The following TPST2 variants were observed in gnomAD, a reference collection of about 807,000 sequenced individuals.
TPST2 encodes the protein tyrosylprotein sulfotransferase 2, also known as protein-tyrosine sulfotransferase 2.
TPST2 carries 16 observed loss-of-function variants against 27.8 expected under a neutral mutation model. The observed-to-expected ratio is 0.58, with a 90% confidence interval of 0.39 to 0.88. TPST2 has a LOEUF of 0.88. Among genes scored for constraint, TPST2 ranks in the 40% least tolerant of loss-of-function variants. The pLI, the probability that TPST2 is intolerant of heterozygous loss-of-function variation, is 0.00. For synonymous variants in TPST2, 229 were observed against 231.7 expected, an observed-to-expected ratio of 0.99 and a Z score of 0.10; for missense variants, 464 against 543.1, an observed-to-expected ratio of 0.85 and a Z score of 1.45.
intron 3 of TPST2, among the ~76,000 whole-genome samples, chr22:26,540,015 C>T (rs1393612147): frequency 6.6e-6 from 1 of 152,140 alleles, no homozygotes; most frequent in African/African-American, 2.4e-5. Context: ...CATTAAATGA[C>T]AATGGTGAGG....
intron 1 of TPST2, among the ~76,000 whole-genome samples, chr22:26,582,817 GAAAGTGACT>G (rs1928167344): frequency 6.6e-6 from 1 of 152,176 alleles, no homozygotes; most frequent in South Asian, 2.1e-4. Flanking sequence ...GTGACCTCGG[GAAAGTGACT>G]ATTTCCAAGC....
intron 3 of TPST2, among the ~76,000 whole-genome samples, chr22:26,537,565 G>A (rs1306121413): frequency 2.0e-5 from 3 of 152,148 alleles, no homozygotes; most frequent in African/African-American, 7.2e-5. Context: ...CGATTCTCAT[G>A]CCTCAGCCTC....
At chr22:26,561,188 CTT>C in intron 1 of TPST2, 1 of 1,565,188 alleles carries the variant, frequency 6.4e-7, no homozygotes, top group African/African-American at 1.4e-5. Context: ...TTTTTTTTTT[CTT>C]GTCTATAAAG....
At chr22:26,586,283 C>A (rs1051886082) in intron 1 of TPST2, among the ~76,000 whole-genome samples, 1 of 152,050 alleles carries the variant, frequency 6.6e-6, no homozygotes, top group Non-Finnish European at 1.5e-5. Flanking sequence ...TAATACCCTA[C>A]AATCTCGCCC....
rs745617634 is a variant in TPST2 at position 26,541,537 on chromosome 22, G to A, written c.94C>T (p.Arg32Trp). The change falls in exon 3 of 7, where the codon CGG (arginine) becomes TGG (tryptophan). Residue 32 changes from arginine to tryptophan, a missense_variant. Coordinates refer to ENST00000338754, the MANE Select transcript of TPST2 (RefSeq NM_003595.5). The surrounding 1 kb of genome is among the most constrained non-coding windows in gnomAD (Gnocchi z 5.9). The part of the protein sequence containing the change: ...VQLGQQVLEC[R>W]AVLAGLRSPR... ...CTCCGCAGGCCCGCCAGCACCGCCC[G>A]GCACTCTAGCACCTGCTGTCCCAGC... is the stretch of plus-strand genomic sequence containing the variant. 32 of 1,611,410 alleles carry A rather than the reference G, an allele frequency of 2.0e-5. No individual in the cohort carries two copies. Among genetic ancestry groups the A allele is most frequent in the Admixed American group, 1.3e-4 (8 of 59,910 alleles).
chr22:26,539,249 AG>A (rs1320710775), intron 3 of TPST2, among the ~76,000 whole-genome samples: 1 of 152,178 alleles, frequency 6.6e-6, no homozygotes, highest in Non-Finnish European at 1.5e-5. Flanking sequence ...AGCCATGGGA[AG>A]GACCACCCTT....
chr22:26,554,509 G>C (rs1926675635), intron 1 of TPST2, among the ~76,000 whole-genome samples: 1 of 152,232 alleles, frequency 6.6e-6, no homozygotes, highest in African/African-American at 2.4e-5. Context: ...ACTGAGCATA[G>C]GGGCAGGAAT....
At chr22:26,576,787 A>G (rs769441211) in intron 1 of TPST2, among the ~76,000 whole-genome samples, 7 of 152,002 alleles carry the variant, frequency 4.6e-5, no homozygotes, top group Non-Finnish European at 7.4e-5. Context: ...CCTGGGCAAC[A>G]TAGCAAGACC....
intron 1 of TPST2, among the ~76,000 whole-genome samples, chr22:26,578,407 A>C (rs1927945207): frequency 6.6e-6 from 1 of 152,186 alleles, no homozygotes; most frequent in African/African-American, 2.4e-5. Flanking sequence ...ACCACGCTGA[A>C]TGGGAACTCT....
At chr22:26,576,020 T>C (rs1927821994) in intron 1 of TPST2, among the ~76,000 whole-genome samples, 1 of 141,344 alleles carries the variant, frequency 7.1e-6, no homozygotes, top group Non-Finnish European at 1.6e-5. Flanking sequence ...AGTAAATAAA[T>C]AAAAAATAAA....
chr22:26,572,279 C>T (rs140671240), intron 1 of TPST2, among the ~76,000 whole-genome samples: 63 of 152,134 alleles, frequency 4.1e-4, no homozygotes, highest in African/African-American at 1.3e-3. Context: ...CAGAATTCTG[C>T]GGGGAGGCTA....
chr22:26,536,058 A>G (rs1925441728), intron 4 of TPST2: 7 of 690,386 alleles, frequency 1.0e-5, no homozygotes, highest in Non-Finnish European at 1.4e-5. Context: ...GCCTGCTGTT[A>G]GATGTTAGAG....
chr22:26,559,136 GCAGGCGATCACCTGAGGT>G (rs1926955837), intron 1 of TPST2, among the ~76,000 whole-genome samples: 1 of 152,368 alleles, frequency 6.6e-6, no homozygotes, highest in Middle Eastern at 3.4e-3. Context: ...GGAGGCCGAG[GCAGGCGATCACCTGAGGT>G]CAGGAGTTCG....
At chr22:26,565,967 A>G (rs1333519725) in intron 1 of TPST2, among the ~76,000 whole-genome samples, 1 of 152,208 alleles carries the variant, frequency 6.6e-6, no homozygotes, top group African/African-American at 2.4e-5. Context: ...AAACTGTTGT[A>G]CACACACTTA....
intron 1 of TPST2, among the ~76,000 whole-genome samples, chr22:26,569,539 T>C (rs974335424): frequency 1.1e-4 from 16 of 152,070 alleles, no homozygotes; most frequent in African/African-American, 3.9e-4. Flanking sequence ...CACCAACACT[T>C]TGGGAGGCTG....
chr22:26,561,425 C>G (rs371945858), intron 1 of TPST2, among the ~76,000 whole-genome samples: 2 of 152,236 alleles, frequency 1.3e-5, no homozygotes, highest in East Asian at 3.9e-4. Flanking sequence ...AAAGCGGGTT[C>G]TTGTTGGTGC....
intron 5 of TPST2, 67 bp downstream of exon 5, chr22:26,532,628 G>A: frequency 6.6e-7 from 1 of 1,516,160 alleles, no homozygotes; most frequent in Non-Finnish European, 9.1e-7. Context: ...CACATCTAAG[G>A]GCATACAGCC....
intron 1 of TPST2, among the ~76,000 whole-genome samples, chr22:26,568,413 T>C (rs1450306261): frequency 6.6e-6 from 1 of 152,176 alleles, no homozygotes; most frequent in East Asian, 1.9e-4. Flanking sequence ...GGTCAGGCAT[T>C]CTTTGTCACA....
intron 1 of TPST2, among the ~76,000 whole-genome samples, chr22:26,577,548 A>C (rs1927900378): frequency 6.7e-6 from 1 of 149,422 alleles, no homozygotes; most frequent in African/African-American, 2.5e-5. Flanking sequence ...ATGGGGTTTC[A>C]CCGTGTTAGC....
Sources: allele counts gnomAD v4.1 joint callset (sites outside exome capture counted in the v4.1 genomes callset), GRCh38; gene constraint gnomAD v4.1.1; non-coding constraint Gnocchi (gnomAD v3.1); transcripts MANE v1.5; gene names NCBI Gene and HGNC (gene_info 2026-07-23, HGNC 2026-07-21).